ABCA5: variants seen among roughly 807,000 people sequenced by gnomAD.
ABCA5 encodes the protein ATP binding cassette subfamily A member 5, also known as cholesterol transporter ABCA5.
In ABCA5, 163 loss-of-function variants were observed where a neutral mutation model predicts 206.0. The observed-to-expected ratio is 0.79, with a 90% CI of 0.70 to 0.90. ABCA5 has a LOEUF of 0.90. Ranked by LOEUF, ABCA5 falls within the 40% of genes least tolerant of loss-of-function variation. ABCA5 has a pLI of 0.00. For synonymous variants in ABCA5, 609 were observed against 613.8 expected (o/e 0.99, Z 0.11); for missense variants, 1,859 against 1,912.9 (o/e 0.97, Z 0.53).
Position 69,259,697 on chromosome 17 carries a change from T to A in ABCA5, c.3731+9A>T, listed in dbSNP as rs950219088. ...AAAAACATTTAAAATTTTTAAAAAA[T>A]CAACTGACCTGAAAAAGGGATCTTT... On this transcript the variant is annotated intron_variant, in intron 28 of 38. Transcript: ENST00000392676. 5 of 1,561,996 alleles carry A rather than the reference T, an allele frequency of 3.2e-6. No individual in the cohort carries two copies. The African/African-American group carries it at 6.8e-5, about 21-fold the overall frequency.
chr17:69,284,445 AAACT>A (rs1293842338), intron 17 of ABCA5, among the ~76,000 whole-genome samples: 3 of 152,104 alleles, frequency 2.0e-5, no homozygotes, highest in South Asian at 2.1e-4. Flanking sequence ...ATCATATTAT[AAACT>A]AACAAAAATT....
intron 12 of ABCA5, among the ~76,000 whole-genome samples, chr17:69,290,971 C>T (rs555765550): frequency 2.7e-4 from 41 of 152,144 alleles, no homozygotes; most frequent in African/African-American, 9.1e-4. Flanking sequence ...TGAATAAAAA[C>T]ACATACATAC....
At chr17:69,295,821 A>C (rs986176567) in intron 10 of ABCA5, among the ~76,000 whole-genome samples, 1 of 152,198 alleles carries the variant, frequency 6.6e-6, no homozygotes, top group Non-Finnish European at 1.5e-5. Context: ...TTCATCTGCG[A>C]GTTTTTTCAA....
At chr17:69,284,249 C>T (rs764670590) in intron 17 of ABCA5, among the ~76,000 whole-genome samples, 177 bp from the exon 18 acceptor site, 1 of 152,112 alleles carries the variant, frequency 6.6e-6, no homozygotes, top group Non-Finnish European at 1.5e-5. Flanking sequence ...GTAGTCTTAG[C>T]TACTCAGGAG....
intron 11 of ABCA5, 36 bp downstream of exon 11, chr17:69,294,619 A>G (rs758440183): frequency 1.3e-6 from 2 of 1,533,084 alleles, no homozygotes; most frequent in Admixed American, 3.7e-5. Context: ...GTTGTACTTT[A>G]AATACTATGG....
chr17:69,294,396 C>A (rs2075563179), intron 11 of ABCA5, among the ~76,000 whole-genome samples: 1 of 152,104 alleles, frequency 6.6e-6, no homozygotes, highest in African/African-American at 2.4e-5. Context: ...GTGGCGTACA[C>A]CTGTAATCCC....
chr17:69,297,446 C>A (rs78862268), intron 9 of ABCA5, 87 bp from the exon 10 acceptor site: 4 of 1,253,308 alleles, frequency 3.2e-6, no homozygotes, highest in Non-Finnish European at 4.4e-6. Flanking sequence ...CAACCTGCAT[C>A]TAAAGTTTAG....
chr17:69,252,174 G>C lies in ABCA5; in HGVS notation c.4416-308C>G, dbSNP rs548730483. On this transcript the variant is annotated intron_variant, in intron 34 of 38. Transcript: ENST00000392676. ...CTACAGGTGCCTGCCACCACACCCG[G>C]CTAATTTTTTTTTGTATTTTTAATA... is the stretch of plus-strand genomic sequence containing the variant. Among the ~76,000 whole-genome samples, 280 of 125,600 alleles carry C rather than the reference G, an allele frequency of 2.2e-3. 3 individuals carry two copies. Among genetic ancestry groups the C allele is most frequent in the Non-Finnish European group, 2.7e-3 (140 of 52,642 alleles). The allele number at this position is 125,600 out of a possible 152,430, so 82.4% of individuals were successfully genotyped here.
intron 22 of ABCA5, among the ~76,000 whole-genome samples, chr17:69,269,952 A>C (rs1238124270): frequency 1.3e-5 from 2 of 152,054 alleles, no homozygotes; most frequent in African/African-American, 4.8e-5. Context: ...AATGAGTATA[A>C]GGGTTATTTT....
chr17:69,304,786 T>C lies in ABCA5; in HGVS notation c.813A>G (p.Thr271=), dbSNP rs553599138. The C allele has an allele frequency of 2.5e-6, 4 of 1,603,498 alleles. No homozygotes were observed. The South Asian group carries it at 3.4e-5, about 14-fold the overall frequency. The part of the protein sequence containing the change: ...AFWLSWVLLY[T]SLIFLMSLLM... ...GAAGGGACATAAGAAAAATTAAACT[T>C]GTATATAGAAGAACCCAGGAAAGCC... is the stretch of plus-strand genomic sequence containing the variant. Residue 271 remains threonine (T), a synonymous_variant, in exon 7 of 39, where the codon ACA becomes ACG. Transcript: ENST00000392676.
intron 8 of ABCA5, among the ~76,000 whole-genome samples, chr17:69,301,534 T>C (rs139464303): frequency 3.3e-4 from 51 of 152,274 alleles, no homozygotes; most frequent in African/African-American, 1.1e-3. Context: ...TTAACTGGGA[T>C]ATATTCACTC....
intron 35 of ABCA5, chr17:69,251,316 A>G: frequency 6.5e-6 from 1 of 154,426 alleles, no homozygotes; most frequent in Non-Finnish European, 1.4e-5. Context: ...ATAGGAGATT[A>G]AGCCTCCTCC....
chr17:69,293,775 C>A (rs1249263941), intron 11 of ABCA5, among the ~76,000 whole-genome samples: 2 of 151,722 alleles, frequency 1.3e-5, no homozygotes, highest in Non-Finnish European at 2.9e-5. Context: ...GGCCCACTAT[C>A]TCATGAAGTA....
At chr17:69,325,212 G>A (rs147281100) in intron 1 of ABCA5, among the ~76,000 whole-genome samples, 2,335 of 151,774 alleles carry the variant, frequency 0.015, 53 homozygotes, top group African/African-American at 0.054. Flanking sequence ...GGGAGGCTGA[G>A]GTGGGAGGAT....
At chr17:69,264,259 C>T (rs190091862) in intron 24 of ABCA5, among the ~76,000 whole-genome samples, 124 of 152,206 alleles carry the variant, frequency 8.1e-4, no homozygotes, top group African/African-American at 2.9e-3. Context: ...TTCATCTCCT[C>T]TGTTAGATGT....
intron 9 of ABCA5, among the ~76,000 whole-genome samples, chr17:69,298,229 TAGGAAGGAAGGAAGGA>T (rs1190899981): frequency 1.8e-3 from 60 of 33,496 alleles, no homozygotes; most frequent in African/African-American, 5.3e-3. Context: ...GGAAGGTAGG[TAGGAAGGAAGGAAGGA>T]AGGAAGGAAG....
At chr17:69,261,551 T>G in intron 25 of ABCA5, 84 bp downstream of exon 25, 2 of 586,120 alleles carry the variant, frequency 3.4e-6, no homozygotes, top group Non-Finnish European at 5.5e-6. Context: ...ACAAAAGACA[T>G]GTAACATTTT....
At chr17:69,262,349 T>C (rs2075157888) in intron 24 of ABCA5, among the ~76,000 whole-genome samples, 1 of 152,142 alleles carries the variant, frequency 6.6e-6, no homozygotes, top group South Asian at 2.1e-4. Context: ...CTGGACACAG[T>C]ACCTAACAGT....
At chr17:69,320,468 TTAGTC>T (rs1446782063) in intron 1 of ABCA5, among the ~76,000 whole-genome samples, 5 of 152,168 alleles carry the variant, frequency 3.3e-5, no homozygotes, top group African/African-American at 9.7e-5. Context: ...CTCAAAAGCT[TTAGTC>T]TAATCATATG....
Sources: gnomAD v4.1 joint callset for allele counts (sites outside exome capture counted in the v4.1 genomes callset) on GRCh38, gnomAD v4.1.1 for gene constraint, MANE v1.5 for transcripts, NCBI Gene and HGNC (gene_info 2026-07-23, HGNC 2026-07-21) for gene names.